The following RPS6KA5 variants were observed in gnomAD, a reference collection of about 807,000 sequenced individuals.
RPS6KA5 encodes ribosomal protein S6 kinase alpha-5.
A neutral mutation model predicts 85.5 loss-of-function variants in RPS6KA5; 27 were observed. That is an observed-to-expected ratio of 0.32 (90% CI 0.23 to 0.44). The LOEUF (loss-of-function observed/expected upper bound fraction) is 0.44, where lower values mean the gene tolerates loss of function less well. Among genes scored for constraint, RPS6KA5 ranks in the 20% least tolerant of loss-of-function variants. The probability of loss-of-function intolerance (pLI) is 1.00; values close to 1 mark genes in which losing one functional copy is unlikely to be tolerated. For missense variants in RPS6KA5, 811 were observed against 980.9 expected (o/e 0.83, Z 2.31); for synonymous variants, 334 against 348.2 (o/e 0.96, Z 0.46).
At chr14:91,050,505 T>C (rs566248054) in intron 1 of RPS6KA5, among the ~76,000 whole-genome samples, 1 of 152,348 alleles carries the variant, frequency 6.6e-6, no homozygotes, top group African/African-American at 2.4e-5. Flanking sequence ...CTCGGCTCAC[T>C]GCAACTTCCG....
rs981095002 is a variant in RPS6KA5, at chr14:90,864,955, G to C, written c.*7119C>G. 1 of 152,190 alleles carries C rather than the reference G, an allele frequency of 6.6e-6. No homozygotes were observed. The highest frequency in any genetic ancestry group is 2.4e-5 in the African/African-American group (1 of 41,424). 9.4% of individuals were successfully genotyped at this position (152,190 alleles called of 1,614,324 possible). ...AGAACTAGAACACTTACACATTATT[G>C]GTGGGTATGTAAATTGGTACAACCA... On this transcript the variant is annotated 3_prime_UTR_variant, in exon 17 of 17. Transcript: ENST00000614987.
intron 1 of RPS6KA5, among the ~76,000 whole-genome samples, chr14:91,007,235 A>C (rs1278108675): frequency 6.6e-6 from 1 of 152,168 alleles, no homozygotes; most frequent in Non-Finnish European, 1.5e-5. Flanking sequence ...ACTCCTTCCC[A>C]TAGAAAGAAT....
intron 6 of RPS6KA5, among the ~76,000 whole-genome samples, chr14:90,921,974 T>C (rs765508369): frequency 8.5e-5 from 13 of 152,216 alleles, no homozygotes; most frequent in South Asian, 2.1e-4. Context: ...CATAATTACT[T>C]AGAAAGTTTC....
intron 3 of RPS6KA5, among the ~76,000 whole-genome samples, chr14:90,948,353 A>T (rs2037982546): frequency 6.6e-6 from 1 of 152,218 alleles, no homozygotes; most frequent in Admixed American, 6.5e-5. Context: ...CCTATAGAAT[A>T]AACTTTTTAC....
At chr14:90,968,948 T>C (rs1796413233) in intron 3 of RPS6KA5, among the ~76,000 whole-genome samples, 1 of 152,254 alleles carries the variant, frequency 6.6e-6, no homozygotes. Context: ...AAACAATTTA[T>C]ATTTCATTTC....
intron 3 of RPS6KA5, among the ~76,000 whole-genome samples, chr14:90,967,204 T>G (rs1260946529): frequency 1.3e-5 from 2 of 152,218 alleles, no homozygotes; most frequent in African/African-American, 4.8e-5. Context: ...GTTTCTTGAT[T>G]AAAAGAAATG....
intron 14 of RPS6KA5, among the ~76,000 whole-genome samples, chr14:90,881,215 C>A (rs182056827): frequency 7.3e-5 from 11 of 151,530 alleles, no homozygotes; most frequent in Admixed American, 3.3e-4. Flanking sequence ...CTTTGGGAGG[C>A]TAAGGCAGTC....
At chr14:91,047,238 G>A (rs1015266599) in intron 1 of RPS6KA5, among the ~76,000 whole-genome samples, 10 of 152,130 alleles carry the variant, frequency 6.6e-5, no homozygotes, top group Admixed American at 2.6e-4. Flanking sequence ...AAAATAAGAA[G>A]AAAGAACAAG....
chr14:90,884,744 C>G (rs2034076500), intron 14 of RPS6KA5, among the ~76,000 whole-genome samples: 1 of 152,094 alleles, frequency 6.6e-6, no homozygotes, highest in African/African-American at 2.4e-5. Flanking sequence ...TGGGTTGTTT[C>G]CAGTGTGGGG....
chr14:90,939,958 A>G (rs927261352), intron 5 of RPS6KA5, among the ~76,000 whole-genome samples: 1 of 152,212 alleles, frequency 6.6e-6, no homozygotes, highest in African/African-American at 2.4e-5. Flanking sequence ...CAAAATAGAA[A>G]TGGTTTCATG....
Position 90,888,543 on chromosome 14 carries a change from A to C in RPS6KA5, c.1836+1944T>G, listed in dbSNP as rs369441524. Among the ~76,000 whole-genome samples the C allele has an allele frequency of 4.6e-5, 7 of 152,206 alleles. No homozygotes were observed. The East Asian group carries it at 9.6e-4, about 21-fold the overall frequency. On this transcript the variant is annotated intron_variant, in intron 14 of 16. Coordinates refer to ENST00000614987, the MANE Select transcript of RPS6KA5 (RefSeq NM_004755.4). Reference sequence around the variant, plus strand: ...TTGAAAATTATAAATGATGACTGAAAACCGATGAGATAAAAACTATATAAA... The same window carrying C: ...TTGAAAATTATAAATGATGACTGAACACCGATGAGATAAAAACTATATAAA...
At chr14:90,917,122 C>T (rs1845040369) in intron 7 of RPS6KA5, among the ~76,000 whole-genome samples, 1 of 152,156 alleles carries the variant, frequency 6.6e-6, no homozygotes, top group African/African-American at 2.4e-5. Flanking sequence ...CCCAAATTCT[C>T]AGGACGGTGG....
chr14:91,044,336 A>T (rs2042734304), intron 1 of RPS6KA5, among the ~76,000 whole-genome samples: 1 of 66,058 alleles, frequency 1.5e-5, no homozygotes, highest in Non-Finnish European at 3.0e-5. Context: ...AGAGAAAGAT[A>T]GACAAAGAAA....
chr14:90,930,986 C>T (rs76054665), intron 5 of RPS6KA5, among the ~76,000 whole-genome samples: 3,177 of 152,226 alleles, frequency 0.021, 47 homozygotes, highest in Middle Eastern at 0.034. Context: ...ATAAATGTTC[C>T]TCAAAAAATT....
intron 5 of RPS6KA5, among the ~76,000 whole-genome samples, chr14:90,932,639 C>T (rs889983251): frequency 1.3e-5 from 2 of 152,190 alleles, no homozygotes; most frequent in African/African-American, 4.8e-5. Context: ...CCAGTACACA[C>T]CACTTAACCT....
chr14:90,948,847 A>G (rs545157976), intron 3 of RPS6KA5, among the ~76,000 whole-genome samples: 18 of 152,260 alleles, frequency 1.2e-4, no homozygotes, highest in Admixed American at 1.2e-3. Context: ...TGAAAAGCGT[A>G]TATCCCAAGT....
intron 7 of RPS6KA5, among the ~76,000 whole-genome samples, chr14:90,912,957 C>T (rs2035912145): frequency 8.1e-6 from 1 of 122,838 alleles, no homozygotes; most frequent in Non-Finnish European, 1.6e-5. Context: ...GTTGCCCAGG[C>T]TGGAGTACAC....
intron 4 of RPS6KA5, among the ~76,000 whole-genome samples, chr14:90,943,576 A>G (rs905160064): frequency 3.9e-5 from 6 of 152,068 alleles, no homozygotes; most frequent in African/African-American, 1.4e-4. Context: ...GACTAACCAG[A>G]TCCCCTGTCA....
chr14:90,906,065 T>G (rs1184258033), intron 8 of RPS6KA5, 84 bp downstream of exon 8: 2 of 1,284,164 alleles, frequency 1.6e-6, no homozygotes, highest in Middle Eastern at 2.0e-4. Flanking sequence ...CAAAGGGGAC[T>G]GTGTTCACTA....
Sources: gnomAD v4.1 joint callset for allele counts (sites outside exome capture counted in the v4.1 genomes callset) on GRCh38, gnomAD v4.1.1 for gene constraint, MANE v1.5 for transcripts, NCBI Gene and HGNC (gene_info 2026-07-23, HGNC 2026-07-21) for gene names.